The following CAMK1D variants were observed in gnomAD, a reference collection of about 807,000 sequenced individuals.
CAMK1D encodes the protein calcium/calmodulin-dependent protein kinase type 1D.
Under a neutral mutation model 47.7 loss-of-function variants are expected in CAMK1D, and 9 were observed. The ratio of observed to expected loss-of-function variants is 0.19; its 90% CI spans 0.11 to 0.33. The LOEUF is 0.33. Among genes scored for constraint, CAMK1D ranks in the 10% least tolerant of loss-of-function variants. CAMK1D has a pLI of 1.00. For synonymous variants in CAMK1D, 184 were observed against 184.9 expected (o/e 0.99, Z 0.04); for missense variants, 291 against 488.7 (o/e 0.60, Z 3.81).
intron 3 of CAMK1D, among the ~76,000 whole-genome samples, chr10:12,691,488 A>G: frequency 7.1e-6 from 1 of 140,286 alleles, no homozygotes; most frequent in Admixed American, 7.5e-5. Flanking sequence ...GCTGAATTGC[A>G]GTGGTGCGAT....
intron 2 of CAMK1D, among the ~76,000 whole-genome samples, chr10:12,609,102 T>A (rs1838549972): frequency 1.3e-5 from 2 of 152,164 alleles, no homozygotes. Context: ...TCAACTGTGA[T>A]GGAGATAAAG....
chr10:12,490,587 G>T (rs1349781219), intron 1 of CAMK1D, among the ~76,000 whole-genome samples: 1 of 152,198 alleles, frequency 6.6e-6, no homozygotes, highest in East Asian at 1.9e-4. Context: ...GGCGGCTCAC[G>T]CCTGTAATCC....
chr10:12,533,775 T>C (rs972539275), intron 1 of CAMK1D, among the ~76,000 whole-genome samples: 5 of 152,194 alleles, frequency 3.3e-5, no homozygotes, highest in Non-Finnish European at 7.3e-5. Context: ...TATCATCTCA[T>C]GTAAAATAAT....
chr10:12,682,088 T>C (rs1314028485), intron 3 of CAMK1D, among the ~76,000 whole-genome samples: 3 of 152,148 alleles, frequency 2.0e-5, no homozygotes, highest in African/African-American at 7.2e-5. Flanking sequence ...GGCGTGGTGT[T>C]GGGTGCCTGT....
intron 8 of CAMK1D, among the ~76,000 whole-genome samples, chr10:12,820,100 C>T (rs182560257): frequency 2.0e-4 from 30 of 152,276 alleles, no homozygotes; most frequent in Admixed American, 5.9e-4. Context: ...AGTGCGGTGG[C>T]GCGATCTCGG....
chr10:12,632,631 CA>C (rs1370800312), intron 2 of CAMK1D, among the ~76,000 whole-genome samples: 1 of 152,138 alleles, frequency 6.6e-6, no homozygotes, highest in Non-Finnish European at 1.5e-5. Flanking sequence ...TATGAAACTC[CA>C]AGAGTTTGGA....
At chr10:12,714,337 T>G (rs577276235) in intron 3 of CAMK1D, among the ~76,000 whole-genome samples, 5 of 152,338 alleles carry the variant, frequency 3.3e-5, no homozygotes, top group African/African-American at 1.2e-4. Context: ...AACAGTACAC[T>G]TACATGCTCC....
intron 2 of CAMK1D, among the ~76,000 whole-genome samples, chr10:12,601,080 G>A (rs941882154): frequency 2.0e-5 from 3 of 152,082 alleles, no homozygotes; most frequent in Non-Finnish European, 2.9e-5. Context: ...TGGGTGGTGC[G>A]GTGGTAGACA....
At position 12,504,225 on chromosome 10, in the gene CAMK1D, TACACACACACAC is replaced by T. The variant is rs111662084; in HGVS notation, c.93-48986_93-48975del. 9.5e-5 allele frequency among the ~76,000 whole-genome samples: 14 copies of T among 147,734 alleles called. No homozygotes were observed. The South Asian group carries it at 3.0e-3, about 32-fold the overall frequency. Reference sequence around the variant, plus strand: ...ACAAATATGTTCCAAATACACATTTTACACACACACACACACACACACACATCTAGGAGCTGG... The same window carrying T: ...ACAAATATGTTCCAAATACACATTTTACACACACACACATCTAGGAGCTGG... On this transcript the variant is annotated intron_variant, in intron 1 of 10. Coordinates refer to ENST00000619168, the MANE Select transcript of CAMK1D (RefSeq NM_153498.4).
chr10:12,622,576 G>A (rs78892799), intron 2 of CAMK1D, among the ~76,000 whole-genome samples: 1 of 152,030 alleles, frequency 6.6e-6, no homozygotes, highest in East Asian at 1.9e-4. Context: ...TTATACTTAG[G>A]AAGAATAGAG....
At chr10:12,487,159 C>T (rs1834243182) in intron 1 of CAMK1D, among the ~76,000 whole-genome samples, 1 of 152,164 alleles carries the variant, frequency 6.6e-6, no homozygotes, top group African/African-American at 2.4e-5. Context: ...TTCTGATCCC[C>T]TTCCTCCTCC....
At chr10:12,360,200 G>A (rs1837617956) in intron 1 of CAMK1D, among the ~76,000 whole-genome samples, 1 of 152,126 alleles carries the variant, frequency 6.6e-6, no homozygotes, top group African/African-American at 2.4e-5. Context: ...CACTGAAATT[G>A]GTTTTACAAT....
At chr10:12,741,981 C>T (rs1835452873) in intron 3 of CAMK1D, among the ~76,000 whole-genome samples, 1 of 152,204 alleles carries the variant, frequency 6.6e-6, no homozygotes, top group Non-Finnish European at 1.5e-5. Context: ...CCTCAGCCAA[C>T]AGTGCCAGCA....
rs115586465 is a variant in CAMK1D at position 12,475,220 on chromosome 10, G to A, written c.93-78005G>A. Reference sequence around the variant, plus strand: ...TTGCGCAACCATCACCACCATCCATGTTTTGAACTCTTCCTATCTTGCAGA... The same window carrying A: ...TTGCGCAACCATCACCACCATCCATATTTTGAACTCTTCCTATCTTGCAGA... On this transcript the variant is annotated intron_variant, in intron 1 of 10. Coordinates refer to ENST00000619168, the MANE Select transcript of CAMK1D (RefSeq NM_153498.4). Among the ~76,000 whole-genome samples the A allele has an allele frequency of 3.8e-3, 574 of 152,238 alleles. 1 individual carries two copies. The highest frequency in any genetic ancestry group is 0.013 in the African/African-American group (538 of 41,540).
At chr10:12,773,169 A>G (rs1288537814) in intron 5 of CAMK1D, among the ~76,000 whole-genome samples, 1 of 152,204 alleles carries the variant, frequency 6.6e-6, no homozygotes, top group Non-Finnish European at 1.5e-5. Context: ...TTGTGCAGAC[A>G]CTTACTGAAT....
intron 5 of CAMK1D, among the ~76,000 whole-genome samples, chr10:12,771,301 G>A (rs1276138261): frequency 6.6e-6 from 1 of 152,228 alleles, no homozygotes; most frequent in Non-Finnish European, 1.5e-5. Context: ...CCACCTGAGA[G>A]AGGAGGTATG....
intron 2 of CAMK1D, among the ~76,000 whole-genome samples, chr10:12,602,895 G>GTTGTTGTTATTATTATTATTATTA (rs150080599): frequency 7.4e-6 from 1 of 134,396 alleles, no homozygotes; most frequent in Non-Finnish European, 1.6e-5. Context: ...CTAACTGCTT[G>GTTGTTGTTATTATTATTATTATTA]TTATTATTAT....
chr10:12,792,958 GCGCACACACA>G (rs1360879260), intron 6 of CAMK1D, among the ~76,000 whole-genome samples: 12 of 147,378 alleles, frequency 8.1e-5, no homozygotes, highest in Non-Finnish European at 1.5e-4. Flanking sequence ...ACATGTGTGC[GCGCACACACA>G]CACACACACA....
rs1833487469 is a variant in CAMK1D at position 12,835,287 on chromosome 10, C to T, written c.*6400C>T. On this transcript the variant is annotated 3_prime_UTR_variant, in exon 11 of 11. Transcript: ENST00000619168. ...TGTCCCCGCATCTACTATTACCAGG[C>T]TTGCAATTGGTTCAATTTTCCCATA... is the stretch of plus-strand genomic sequence containing the variant. 1 of 152,172 alleles carries T rather than the reference C, an allele frequency of 6.6e-6. No individual in the cohort carries two copies. Among genetic ancestry groups the T allele is most frequent in the Admixed American group, 6.5e-5 (1 of 15,282 alleles). The allele number at this position is 152,172 out of a possible 1,614,324, so 9.4% of individuals were successfully genotyped here. A position where few individuals can be genotyped will look rare whatever the true frequency, so the allele number is the denominator to read the frequency against.
Sources: gnomAD v4.1 joint callset for allele counts (sites outside exome capture counted in the v4.1 genomes callset) on GRCh38, gnomAD v4.1.1 for gene constraint, MANE v1.5 for transcripts, NCBI Gene and HGNC (gene_info 2026-07-23, HGNC 2026-07-21) for gene names.